The following ZNF710 variants were observed in gnomAD, a reference collection of about 807,000 sequenced individuals.
ZNF710 encodes the protein zinc finger protein 710.
Under a neutral mutation model 50.6 loss-of-function variants are expected in ZNF710, and 13 were observed. That is an observed-to-expected ratio of 0.26 (90% confidence interval 0.17 to 0.41). The LOEUF is 0.41. Ranked by LOEUF, ZNF710 falls within the 10% of genes least tolerant of loss-of-function variation. The probability of loss-of-function intolerance (pLI) is 1.00; values close to 1 mark genes in which losing one functional copy is unlikely to be tolerated. For missense variants in ZNF710, 721 were observed against 936.6 expected (o/e 0.77, Z 3.01); for synonymous variants, 383 against 397.0 (o/e 0.96, Z 0.42).
chr15:90,019,566 G>C (rs1898553625), intron 1 of ZNF710, among the ~76,000 whole-genome samples: 1 of 152,182 alleles, frequency 6.6e-6, no homozygotes, highest in Admixed American at 6.5e-5. Flanking sequence ...TTTTAAACAT[G>C]GTTGTGAGTC....
rs778999959 is a variant in ZNF710, at chr15:90,079,809, GC to G, written c.1977del (p.Tyr660ThrfsTer44). On this transcript the variant is annotated frameshift_variant, in exon 5 of 5. Transcript: ENST00000268154. LOFTEE classifies it high-confidence loss of function. ...VLTEQAMKEMAYYNVL is the reference protein window; with the variant it reads ...VLTEQAMKEMXYYNVL ...CACTGAACAGGCCATGAAAGAGATGGCCTACTACAATGTGCTATAGCGCAAG... is the reference window on the plus strand; with the variant it reads ...CACTGAACAGGCCATGAAAGAGATGGCTACTACAATGTGCTATAGCGCAAG... 6.2e-7 allele frequency: 1 copy of G among 1,607,150 alleles called. No homozygotes were observed. Among genetic ancestry groups the G allele is most frequent in the Non-Finnish European group, 8.5e-7 (1 of 1,177,740 alleles).
At chr15:90,074,747 TAGAA>T (rs1483932759) in intron 4 of ZNF710, 2 of 333,470 alleles carry the variant, frequency 6.0e-6, no homozygotes, top group Non-Finnish European at 1.1e-5. Flanking sequence ...GAAAGAAAGT[TAGAA>T]AGGGGAAAAA....
chr15:90,044,399 G>A (rs925614353), intron 1 of ZNF710, among the ~76,000 whole-genome samples: 7 of 152,176 alleles, frequency 4.6e-5, no homozygotes, highest in Admixed American at 1.3e-4. Context: ...GCTAGGTGGC[G>A]TCCGTGTGAA....
chr15:90,073,076 G>C lies in ZNF710; in HGVS notation c.1464G>C (p.Val488=). ...CATCACCCCCCACCCCACAGGGCGT[G>C]AAGGAGTTCAAGTGCGAGGTGTGTG... is the stretch of plus-strand genomic sequence containing the variant. The part of the protein sequence containing the change: ...LKQHSLTHKG[V]KEFKCEVCGR... Residue 488 remains valine, a synonymous_variant, in exon 3 of 5, where the codon GTG becomes GTC. Transcript: ENST00000268154. 1 of 1,613,692 alleles carries C rather than the reference G, an allele frequency of 6.2e-7. No individual in the cohort carries two copies. The highest frequency in any genetic ancestry group is 8.5e-7 in the Non-Finnish European group (1 of 1,179,800).
chr15:90,044,012 G>A (rs1899381329), intron 1 of ZNF710, among the ~76,000 whole-genome samples: 1 of 151,962 alleles, frequency 6.6e-6, no homozygotes, highest in African/African-American at 2.4e-5. Context: ...TAGGGAAGTG[G>A]GTTTATTTGA....
chr15:90,003,721 T>C (rs1027249490), intron 1 of ZNF710, among the ~76,000 whole-genome samples: 1 of 152,140 alleles, frequency 6.6e-6, no homozygotes, highest in South Asian at 2.1e-4. Context: ...AATGTTATTT[T>C]CTATACTTTC....
chr15:90,045,267 C>G, intron 1 of ZNF710: 1 of 916,054 alleles, frequency 1.1e-6, no homozygotes, highest in Non-Finnish European at 1.3e-6. Flanking sequence ...TGCAAAACCT[C>G]AGTCACTCTA....
chr15:90,005,129 G>A (rs188942831), intron 1 of ZNF710, among the ~76,000 whole-genome samples: 263 of 152,344 alleles, frequency 1.7e-3, no homozygotes, highest in African/African-American at 5.9e-3. Context: ...GTACTAGAAC[G>A]TTTGTGAGGG....
At chr15:90,039,016 C>T (rs962400192) in intron 1 of ZNF710, among the ~76,000 whole-genome samples, 9 of 152,166 alleles carry the variant, frequency 5.9e-5, no homozygotes, top group Non-Finnish European at 1.2e-4. Context: ...AGGTGGCTCA[C>T]GCCTATAATC....
chr15:90,074,785 G>C, intron 4 of ZNF710: 1 of 331,956 alleles, frequency 3.0e-6, no homozygotes, highest in South Asian at 2.3e-5. Context: ...AGATAAGGGA[G>C]AGCCAGGTGA....
chr15:90,007,789 A>C (rs1407644773), intron 1 of ZNF710, among the ~76,000 whole-genome samples: 3 of 151,630 alleles, frequency 2.0e-5, no homozygotes, highest in Non-Finnish European at 4.4e-5. Context: ...TTTTGGTAGC[A>C]CAGATGAAGA....
At chr15:90,061,900 G>T (rs1262598941) in intron 1 of ZNF710, among the ~76,000 whole-genome samples, 1 of 152,198 alleles carries the variant, frequency 6.6e-6, no homozygotes, top group Non-Finnish European at 1.5e-5. Flanking sequence ...GGGCAAAGCC[G>T]TAGGTGAAGT....
intron 1 of ZNF710, among the ~76,000 whole-genome samples, chr15:90,017,968 T>G (rs995021614): frequency 6.6e-6 from 1 of 150,770 alleles, no homozygotes; most frequent in African/African-American, 2.5e-5. Flanking sequence ...GCATCTCTCT[T>G]AGCAAAGGCT....
chr15:90,075,365 T>C (rs1397647081), intron 4 of ZNF710: 1 of 152,158 alleles, frequency 6.6e-6, no homozygotes, highest in Non-Finnish European at 1.5e-5. Context: ...TACAAAAATA[T>C]TTTTAAATTA....
intron 1 of ZNF710, among the ~76,000 whole-genome samples, chr15:90,053,805 C>A (rs1372519732): frequency 1.3e-5 from 2 of 152,068 alleles, no homozygotes; most frequent in Non-Finnish European, 2.9e-5. Flanking sequence ...CCCAGGGAGC[C>A]CCCCCAACAC....
rs1311458551 is a variant in ZNF710 at position 90,043,461 on chromosome 15, C to T, written c.-28-23649C>T. On this transcript the variant is annotated intron_variant, in intron 1 of 4. Transcript: ENST00000268154. ...AAAGCTGATGGCTGCCGGCCTGTGGCGCCCCTGGAGAGGGAGCAACTCCCC... is the reference window on the plus strand; with the variant it reads ...AAAGCTGATGGCTGCCGGCCTGTGGTGCCCCTGGAGAGGGAGCAACTCCCC... 5.3e-5 allele frequency among the ~76,000 whole-genome samples: 8 copies of T among 152,366 alleles called. No individual in the cohort carries two copies. The East Asian group carries it at 1.3e-3, about 26-fold the overall frequency.
Position 90,068,030 on chromosome 15 carries a change from G to A in ZNF710, c.893G>A (p.Arg298His), listed in dbSNP as rs753524913. Residue 298 changes from arginine (R) to histidine (H), a missense_variant, in exon 2 of 5, where the codon CGC becomes CAC. Arg to His is a conservative substitution (Grantham distance 29, BLOSUM62 0). Coordinates refer to ENST00000268154, the MANE Select transcript of ZNF710 (RefSeq NM_198526.4). This position sits in a 1 kb window ranked among gnomAD's most constrained non-coding sequence, Gnocchi z 5.0. ...AGDRQKRWQC[R>H]MCEKSYTSKY... ...GACCGCCAGAAGCGCTGGCAGTGCC[G>A]CATGTGCGAGAAGTCCTACACGTCC... 10 of 1,614,094 alleles carry A rather than the reference G, an allele frequency of 6.2e-6. No homozygotes were observed. Among genetic ancestry groups the A allele is most frequent in the Admixed American group, 1.7e-5 (1 of 60,018 alleles).
chr15:90,020,553 C>T (rs1898585846), intron 1 of ZNF710, among the ~76,000 whole-genome samples: 1 of 152,196 alleles, frequency 6.6e-6, no homozygotes, highest in Non-Finnish European at 1.5e-5. Flanking sequence ...AAACACAAAC[C>T]CCAGCCCCTT....
At chr15:90,078,211 CAAA>C (rs35832666) in intron 4 of ZNF710, among the ~76,000 whole-genome samples, 2 of 116,256 alleles carry the variant, frequency 1.7e-5, no homozygotes, top group African/African-American at 3.3e-5. Flanking sequence ...AACTCGGTCT[CAAA>C]AAAAAAAAAA....
Sources: gnomAD v4.1 joint callset for allele counts (sites outside exome capture counted in the v4.1 genomes callset) on GRCh38, gnomAD v4.1.1 for gene constraint, Gnocchi (gnomAD v3.1) non-coding constraint, MANE v1.5 for transcripts, NCBI Gene and HGNC (gene_info 2026-07-23, HGNC 2026-07-21) for gene names.